Variants in RANBP2 observed in about 807,000 individuals in gnomAD.
RANBP2 encodes E3 SUMO-protein ligase RanBP2.
In RANBP2, 57 loss-of-function variants were observed where a neutral mutation model predicts 303.6. The observed-to-expected ratio is 0.19, with a 90% CI of 0.15 to 0.23. RANBP2 has a LOEUF of 0.23. Among genes scored for constraint, RANBP2 ranks in the 10% least tolerant of loss-of-function variants. The probability of loss-of-function intolerance (pLI) is 1.00; values close to 1 mark genes in which losing one functional copy is unlikely to be tolerated. For missense variants in RANBP2, 3,138 were observed against 3,780.8 expected (o/e 0.83, Z 4.46); for synonymous variants, 1,167 against 1,301.5 (o/e 0.90, Z 2.23).
chr2:109,239,301 T>C, the RANBP2 span, among the ~76,000 whole-genome samples: 1 of 152,160 alleles, frequency 6.6e-6, no homozygotes, highest in Non-Finnish European at 1.5e-5. Flanking sequence ...TGGAAGCTTT[T>C]ATCCCTTCCT....
chr2:108,762,526 A>G (rs1193603657), intron 19 of RANBP2, among the ~76,000 whole-genome samples: 1 of 90,722 alleles, frequency 1.1e-5, no homozygotes, highest in Non-Finnish European at 2.2e-5. Flanking sequence ...TATATATAAC[A>G]ATTGATTGAA....
the RANBP2 span, among the ~76,000 whole-genome samples, chr2:109,530,098 C>A: frequency 1.3e-5 from 2 of 152,206 alleles, no homozygotes; most frequent in African/African-American, 4.8e-5. Flanking sequence ...TGGCCCTCTC[C>A]CGCATAGAAG....
the RANBP2 span, among the ~76,000 whole-genome samples, chr2:109,675,087 G>A: frequency 6.6e-6 from 1 of 152,054 alleles, no homozygotes; most frequent in African/African-American, 2.4e-5. Flanking sequence ...TCCCACCTCA[G>A]CCTCCCAGTA....
At chr2:109,716,961 AG>A in the RANBP2 span, among the ~76,000 whole-genome samples, 1 of 152,252 alleles carries the variant, frequency 6.6e-6, no homozygotes, top group Non-Finnish European at 1.5e-5. Context: ...AACTTCTCGC[AG>A]GACTCAGCTT....
chr2:109,460,769 A>G, the RANBP2 span, among the ~76,000 whole-genome samples: 1 of 152,212 alleles, frequency 6.6e-6, no homozygotes, highest in Non-Finnish European at 1.5e-5. Context: ...CAGCCAAATC[A>G]TCGGCCACAG....
At chr2:109,517,566 G>A in the RANBP2 span, among the ~76,000 whole-genome samples, 10 of 152,342 alleles carry the variant, frequency 6.6e-5, no homozygotes, top group South Asian at 8.3e-4. Flanking sequence ...GCACTCTGAC[G>A]TTGGAATCCT....
chr2:109,647,155 CTTTTTTTTTTTTTT>C, the RANBP2 span, among the ~76,000 whole-genome samples: 17 of 71,474 alleles, frequency 2.4e-4, no homozygotes, highest in African/African-American at 8.9e-4. Flanking sequence ...GCTCTCCTCA[CTTTTTTTTTTTTTT>C]TTTTTTTTTT....
At chr2:108,839,004 A>G in the RANBP2 span, 1 of 197,720 alleles carries the variant, frequency 5.1e-6, no homozygotes, top group Admixed American at 6.5e-5. Flanking sequence ...ATGCATATAT[A>G]AGAACTAAAA....
chr2:109,432,729 C>T, the RANBP2 span: 1 of 1,553,750 alleles, frequency 6.4e-7, no homozygotes, highest in Non-Finnish European at 8.7e-7. Flanking sequence ...GCACGCCTTA[C>T]CGCTGTTGTT....
At chr2:108,812,219 T>C in the RANBP2 span, among the ~76,000 whole-genome samples, 295 of 152,252 alleles carry the variant, frequency 1.9e-3, 3 homozygotes, top group African/African-American at 6.7e-3. Flanking sequence ...CATATATATA[T>C]ACATATCAGT....
the RANBP2 span, among the ~76,000 whole-genome samples, chr2:109,060,157 G>A: frequency 6.1e-4 from 93 of 151,848 alleles, 1 homozygote; most frequent in African/African-American, 2.1e-3. Flanking sequence ...AGCCAAGATC[G>A]CGCCACTGCA....
At chr2:109,540,512 C>T in the RANBP2 span, among the ~76,000 whole-genome samples, 1 of 152,044 alleles carries the variant, frequency 6.6e-6, no homozygotes, top group South Asian at 2.1e-4. Flanking sequence ...ATGCTTTTGG[C>T]CTTCAAGTTC....
chr2:109,171,217 T>C, the RANBP2 span, among the ~76,000 whole-genome samples: 1 of 152,352 alleles, frequency 6.6e-6, no homozygotes, highest in Non-Finnish European at 1.5e-5. Flanking sequence ...TCACCAAATA[T>C]AACCATATTA....
chr2:108,961,313 G>A, the RANBP2 span, among the ~76,000 whole-genome samples: 1 of 152,012 alleles, frequency 6.6e-6, no homozygotes, highest in South Asian at 2.1e-4. Context: ...CTGCAGCCTG[G>A]AGGCCTCTGC....
chr2:109,493,645 C>A, the RANBP2 span, among the ~76,000 whole-genome samples: 1 of 151,572 alleles, frequency 6.6e-6, no homozygotes, highest in African/African-American at 2.4e-5. Context: ...TGCAAACACA[C>A]ACCATACACA....
the RANBP2 span, among the ~76,000 whole-genome samples, chr2:108,849,206 A>G: frequency 6.6e-6 from 1 of 152,214 alleles, no homozygotes; most frequent in Non-Finnish European, 1.5e-5. Flanking sequence ...AAAAAAGAAA[A>G]CAGAACATCA....
At chr2:109,469,743 T>C in the RANBP2 span, among the ~76,000 whole-genome samples, 1 of 152,170 alleles carries the variant, frequency 6.6e-6, no homozygotes, top group South Asian at 2.1e-4. Context: ...CCATTATGTT[T>C]TTGCTGAACA....
the RANBP2 span, among the ~76,000 whole-genome samples, chr2:109,021,246 G>C: frequency 6.6e-6 from 1 of 152,148 alleles, no homozygotes; most frequent in South Asian, 2.1e-4. Flanking sequence ...CAAAGCCATC[G>C]GGCGCGGTGG....
At chr2:108,720,908 G>A (rs973795457) in intron 1 of RANBP2, among the ~76,000 whole-genome samples, 3 of 152,156 alleles carry the variant, frequency 2.0e-5, no homozygotes, top group Non-Finnish European at 2.9e-5. Flanking sequence ...AGTTAGCCGG[G>A]CGTGGTGGCG....
Sources: allele counts gnomAD v4.1 joint callset (sites outside exome capture counted in the v4.1 genomes callset), GRCh38; gene constraint gnomAD v4.1.1; transcripts MANE v1.5; gene names NCBI Gene and HGNC (gene_info 2026-07-23, HGNC 2026-07-21).